Variants in APP observed in about 807,000 individuals in gnomAD.
APP encodes the protein amyloid beta precursor protein, also known as amyloid-beta precursor protein.
APP carries 31 observed loss-of-function variants against 101.4 expected under a neutral mutation model. The ratio of observed to expected loss-of-function variants is 0.31; its 90% CI spans 0.23 to 0.41. The LOEUF (loss-of-function observed/expected upper bound fraction) is 0.41, where lower values mean the gene tolerates loss of function less well. APP is among the 10% of genes least tolerant of loss of function. APP has a pLI of 1.00. For missense variants in APP, 839 were observed against 1,003.7 expected, an observed-to-expected ratio of 0.84 and a Z score of 2.22; for synonymous variants, 366 against 364.4, an observed-to-expected ratio of 1.00 and a Z score of -0.05.
chr21:25,966,986 T>C (rs555609120), intron 11 of APP, among the ~76,000 whole-genome samples: 1 of 152,302 alleles, frequency 6.6e-6, no homozygotes, highest in East Asian at 1.9e-4. Context: ...TGTTGAACAT[T>C]TATTGCTCTT....
intron 7 of APP, among the ~76,000 whole-genome samples, chr21:25,999,669 C>G (rs963453653): frequency 6.6e-6 from 1 of 152,214 alleles, no homozygotes; most frequent in South Asian, 2.1e-4. Context: ...CGGACAAACA[C>G]ATAAGTATGC....
intron 6 of APP, among the ~76,000 whole-genome samples, chr21:26,015,250 A>T (rs998584240): frequency 1.4e-4 from 2 of 14,440 alleles, no homozygotes; most frequent in African/African-American, 4.2e-4. Flanking sequence ...AATGCAATGG[A>T]GGATCGGAAT....
intron 1 of APP, among the ~76,000 whole-genome samples, chr21:26,163,556 T>C (rs2063544845): frequency 6.6e-6 from 1 of 152,242 alleles, no homozygotes; most frequent in African/African-American, 2.4e-5. Flanking sequence ...GGAACCATCT[T>C]AATCACTCCT....
At chr21:25,958,492 TG>T (rs2041427384) in intron 11 of APP, among the ~76,000 whole-genome samples, 1 of 152,166 alleles carries the variant, frequency 6.6e-6, no homozygotes, top group African/African-American at 2.4e-5. Flanking sequence ...TTAGCCAGGA[TG>T]GTCTCCATCT....
chr21:26,055,890 A>G (rs1309027978), intron 3 of APP, among the ~76,000 whole-genome samples: 1 of 152,202 alleles, frequency 6.6e-6, no homozygotes, highest in Non-Finnish European at 1.5e-5. Flanking sequence ...GGGGGCATAA[A>G]TCAGACAGTA....
At chr21:26,015,677 C>A (rs2044022307) in intron 6 of APP, among the ~76,000 whole-genome samples, 1 of 152,086 alleles carries the variant, frequency 6.6e-6, no homozygotes, top group African/African-American at 2.4e-5. Flanking sequence ...CTATACTAGT[C>A]TATCTCTAAC....
intron 13 of APP, 42 bp from the exon 14 acceptor site, chr21:25,912,004 CACA>C (rs775054397): frequency 6.8e-7 from 1 of 1,480,494 alleles, no homozygotes; most frequent in Non-Finnish European, 9.4e-7. Context: ...TAACAACAAT[CACA>C]ACAGCAGCAG....
At chr21:26,157,365 C>G (rs1291743395) in intron 1 of APP, among the ~76,000 whole-genome samples, 1 of 152,042 alleles carries the variant, frequency 6.6e-6, no homozygotes, top group Non-Finnish European at 1.5e-5. Flanking sequence ...CCACCGTGCC[C>G]GGCCTTTTTG....
intron 2 of APP, among the ~76,000 whole-genome samples, chr21:26,110,437 T>C (rs2062288302): frequency 6.6e-6 from 1 of 151,946 alleles, no homozygotes; most frequent in African/African-American, 2.4e-5. Flanking sequence ...CAGAGCAAGA[T>C]GTCATCTCAA....
chr21:26,074,650 C>T (rs2061469666), intron 3 of APP, among the ~76,000 whole-genome samples: 1 of 152,010 alleles, frequency 6.6e-6, no homozygotes, highest in African/African-American at 2.4e-5. Context: ...ACTTGGGTGG[C>T]TGAGGCAAGA....
intron 2 of APP, 149 bp from the exon 3 acceptor site, chr21:26,090,221 T>C: frequency 8.0e-7 from 1 of 1,256,580 alleles, no homozygotes. Context: ...TCTCTGACTT[T>C]TTCCGATTTT....
intron 5 of APP, among the ~76,000 whole-genome samples, chr21:26,044,077 G>A (rs573909181): frequency 6.6e-6 from 1 of 152,148 alleles, no homozygotes; most frequent in Non-Finnish European, 1.5e-5. Context: ...TAATTGCCTA[G>A]AAAGGTGATG....
At chr21:26,024,438 T>C (rs2830010) in intron 5 of APP, among the ~76,000 whole-genome samples, 6,932 of 152,180 alleles carry the variant, frequency 0.046, 552 homozygotes, top group African/African-American at 0.16. Flanking sequence ...ACAGGAAGCC[T>C]TGGACTCGTA....
At chr21:26,101,077 G>A (rs936587029) in intron 2 of APP, among the ~76,000 whole-genome samples, 3 of 140,236 alleles carry the variant, frequency 2.1e-5, no homozygotes, top group Non-Finnish European at 3.1e-5. Flanking sequence ...CCTGTTTCAA[G>A]TTATCTCTTT....
intron 1 of APP, among the ~76,000 whole-genome samples, chr21:26,131,144 G>A (rs369053492): frequency 9.9e-5 from 15 of 152,150 alleles, no homozygotes; most frequent in Admixed American, 5.2e-4. Flanking sequence ...CAGGAGAATC[G>A]CTTGAACCCA....
rs2044352695 is a variant in APP at position 26,021,843 on chromosome 21, G to A, written c.862C>T (p.Arg288Ter). 1 of 1,613,242 alleles carries A rather than the reference G, an allele frequency of 6.2e-7. No homozygotes were observed. Residue 288 changes from arginine (R) to a stop codon, truncating the protein, a stop_gained, in exon 6 of 18, where the codon CGA becomes TGA. Transcript: ENST00000346798. LOFTEE classifies it high-confidence loss of function. ...ATCCAAGCAAATGGTGGATTACCTC[G>A]AACCACCTCTTCCACAGACTCTGTG... ...TTTESVEEVV[R>*]EVCSEQAETG...
chr21:26,111,907 C>T (rs2146205638), intron 2 of APP, 72 bp downstream of exon 2: 1 of 1,547,290 alleles, frequency 6.5e-7, no homozygotes, highest in Admixed American at 1.7e-5. Context: ...ATGCAAAATA[C>T]AAGAAGTTAA....
chr21:26,127,336 C>CA (rs2062705557), intron 1 of APP, among the ~76,000 whole-genome samples: 2 of 152,084 alleles, frequency 1.3e-5, no homozygotes, highest in African/African-American at 2.4e-5. Context: ...AAATTCTAGC[C>CA]AATCATTTCA....
intron 16 of APP, among the ~76,000 whole-genome samples, chr21:25,892,959 A>C (rs144243140): frequency 2.7e-4 from 14 of 50,990 alleles, no homozygotes; most frequent in Non-Finnish European, 4.8e-4. Flanking sequence ...TAAAAAAAAA[A>C]AACAAAAAGG....
Sources: allele counts gnomAD v4.1 joint callset (sites outside exome capture counted in the v4.1 genomes callset), GRCh38; gene constraint gnomAD v4.1.1; transcripts MANE v1.5; gene names NCBI Gene and HGNC (gene_info 2026-07-23, HGNC 2026-07-21).